Variants in MIPOL1 observed in about 807,000 individuals in gnomAD.
MIPOL1 encodes the protein mirror-image polydactyly gene 1 protein.
In MIPOL1, 57 loss-of-function variants were observed where a neutral mutation model predicts 60.9. The ratio of observed to expected loss-of-function variants is 0.94; its 90% CI spans 0.76 to 1.17. The LOEUF is 1.17. Ranked by LOEUF, MIPOL1 falls within the 50% of genes most tolerant of loss-of-function variation. The pLI is 0.00. For synonymous variants in MIPOL1, 179 were observed against 168.8 expected (o/e 1.06, Z -0.47); for missense variants, 551 against 511.6 (o/e 1.08, Z -0.74).
intron 11 of MIPOL1, among the ~76,000 whole-genome samples, chr14:37,466,918 C>T (rs1393811492): frequency 6.6e-6 from 1 of 152,146 alleles, no homozygotes; most frequent in East Asian, 1.9e-4. Flanking sequence ...GTGATTGCTT[C>T]CTTCAAGCTA....
intron 11 of MIPOL1, among the ~76,000 whole-genome samples, chr14:37,471,210 A>G (rs2094684649): frequency 6.6e-6 from 1 of 152,176 alleles, no homozygotes. Context: ...AACATAGACA[A>G]TTTGATTCTA....
chr14:37,383,854 T>C (rs192713037), intron 10 of MIPOL1, among the ~76,000 whole-genome samples: 2 of 152,080 alleles, frequency 1.3e-5, no homozygotes, highest in Admixed American at 1.3e-4. Context: ...TTAAATGACA[T>C]TCCTTTACTG....
intron 12 of MIPOL1, among the ~76,000 whole-genome samples, chr14:37,542,466 C>G (rs1448961755): frequency 6.6e-6 from 1 of 152,090 alleles, no homozygotes. Flanking sequence ...CCATCTTTAA[C>G]CTCTTATTTT....
intron 3 of MIPOL1, among the ~76,000 whole-genome samples, chr14:37,257,542 T>C (rs1334798656): frequency 6.6e-6 from 1 of 152,166 alleles, no homozygotes; most frequent in Non-Finnish European, 1.5e-5. Flanking sequence ...TGACATTTTT[T>C]ATCTGCCAAA....
rs1336244184 is a variant in MIPOL1 at position 37,402,342 on chromosome 14, C to A, written c.937-20513C>A. Among the ~76,000 whole-genome samples, 4 of 152,064 alleles carry A rather than the reference C, an allele frequency of 2.6e-5. No individual in the cohort carries two copies. In the East Asian group the frequency reaches 7.7e-4, roughly 29 times the overall value. The stretch of plus-strand genomic sequence containing the variant: ...ACCTTTTGGGGAGATAAACGTACCC[C>A]AAAATGCATATAAAATTAGATCAGT... On this transcript the variant is annotated intron_variant, in intron 10 of 12. Coordinates refer to ENST00000684589, the MANE Select transcript of MIPOL1 (RefSeq NM_001388067.1).
intron 10 of MIPOL1, among the ~76,000 whole-genome samples, chr14:37,395,789 A>G (rs1254716494): frequency 6.6e-6 from 1 of 152,174 alleles, no homozygotes; most frequent in Non-Finnish European, 1.5e-5. Context: ...GACTTCCAGT[A>G]CTATGCTGAA....
chr14:37,291,563 T>C (rs1288630657), intron 7 of MIPOL1, among the ~76,000 whole-genome samples: 8 of 152,230 alleles, frequency 5.3e-5, no homozygotes, highest in African/African-American at 1.7e-4. Context: ...TCTTTTTCTT[T>C]ATAAAATGCC....
chr14:37,217,032 T>C (rs1163382783), intron 1 of MIPOL1, among the ~76,000 whole-genome samples: 1 of 151,802 alleles, frequency 6.6e-6, no homozygotes, highest in Non-Finnish European at 1.5e-5. Flanking sequence ...TTAGTCAGAC[T>C]AAGAAAAAAG....
chr14:37,512,242 G>T (rs1444730921), intron 12 of MIPOL1, among the ~76,000 whole-genome samples: 1 of 151,542 alleles, frequency 6.6e-6, no homozygotes, highest in East Asian at 2.0e-4. Context: ...AGAAATTGGT[G>T]TTACAAAGAA....
At chr14:37,356,442 G>A (rs1332988406) in intron 9 of MIPOL1, among the ~76,000 whole-genome samples, 1 of 152,160 alleles carries the variant, frequency 6.6e-6, no homozygotes, top group Non-Finnish European at 1.5e-5. Context: ...CACCCAGTTC[G>A]AGCTTCCAGG....
intron 12 of MIPOL1, among the ~76,000 whole-genome samples, chr14:37,539,340 A>T (rs1199522712): frequency 6.6e-6 from 1 of 152,250 alleles, no homozygotes; most frequent in East Asian, 1.9e-4. Flanking sequence ...AGATGTCAAA[A>T]AAAGAGAAGT....
At chr14:37,378,322 T>C (rs370957739) in intron 10 of MIPOL1, among the ~76,000 whole-genome samples, 1 of 152,076 alleles carries the variant, frequency 6.6e-6, no homozygotes, top group East Asian at 1.9e-4. Context: ...GTCCACACAA[T>C]AGAATATTAC....
chr14:37,302,259 G>GTTTTTT (rs1244984056), intron 7 of MIPOL1, among the ~76,000 whole-genome samples: 3 of 58,590 alleles, frequency 5.1e-5, no homozygotes, highest in African/African-American at 2.1e-4. Context: ...ATTTGGAACT[G>GTTTTTT]TTGTTTTTTT....
chr14:37,242,089 C>T (rs913025287), intron 1 of MIPOL1, among the ~76,000 whole-genome samples: 9 of 150,782 alleles, frequency 6.0e-5, no homozygotes, highest in South Asian at 4.2e-4. Context: ...TTGGGCCTCT[C>T]GGTGGTAATG....
intron 12 of MIPOL1, chr14:37,503,942 C>G (rs903557978): frequency 1.3e-5 from 2 of 152,086 alleles, no homozygotes; most frequent in African/African-American, 4.8e-5. Context: ...ACAAAAAAAG[C>G]AGGGTTTGCA....
intron 6 of MIPOL1, among the ~76,000 whole-genome samples, chr14:37,279,517 G>A (rs1338195422): frequency 6.6e-6 from 1 of 151,892 alleles, no homozygotes; most frequent in Non-Finnish European, 1.5e-5. Context: ...CTGAATTCCA[G>A]AATCAGGATT....
In MIPOL1 at chr14:37,308,080, A is replaced by G; in HGVS notation, c.648A>G (p.Glu216=). Residue 216 remains glutamate, a synonymous_variant, in exon 8 of 13, where the codon GAA becomes GAG. Coordinates refer to ENST00000684589, the MANE Select transcript of MIPOL1 (RefSeq NM_001388067.1). The stretch of plus-strand genomic sequence containing the variant: ...GGCTAGAAAATATTAACCCTGAAGA[A>G]AATGACATGGTAAGCCATTCTCTGA... The part of the protein sequence containing the change: ...LKVLENINPE[E]NDMTLQELLN... 6.2e-7 allele frequency: 1 copy of G among 1,611,102 alleles called. No individual in the cohort carries two copies. The highest frequency in any genetic ancestry group is 8.5e-7 in the Non-Finnish European group (1 of 1,178,192).
At chr14:37,529,653 G>C (rs1430536902) in intron 12 of MIPOL1, among the ~76,000 whole-genome samples, 2 of 152,158 alleles carry the variant, frequency 1.3e-5, no homozygotes, top group Admixed American at 6.5e-5. Flanking sequence ...GACAAGGAAG[G>C]CTTCAAGGAA....
intron 9 of MIPOL1, among the ~76,000 whole-genome samples, chr14:37,359,122 T>G (rs2092052169): frequency 6.6e-6 from 1 of 152,212 alleles, no homozygotes; most frequent in Non-Finnish European, 1.5e-5. Flanking sequence ...TTTGTCAGGT[T>G]TGTCGAAGAC....
Sources: allele counts gnomAD v4.1 joint callset (sites outside exome capture counted in the v4.1 genomes callset), GRCh38; gene constraint gnomAD v4.1.1; transcripts MANE v1.5; gene names NCBI Gene and HGNC (gene_info 2026-07-23, HGNC 2026-07-21).